The following SYNPR variants were observed in gnomAD, a reference collection of about 807,000 sequenced individuals.
SYNPR encodes the protein synaptoporin.
A neutral mutation model predicts 32.9 loss-of-function variants in SYNPR; 23 were observed. The ratio of observed to expected loss-of-function variants is 0.70; its 90% confidence interval spans 0.50 to 0.99. The LOEUF (loss-of-function observed/expected upper bound fraction) is 0.99. SYNPR is among the 50% of genes least tolerant of loss of function. The probability of loss-of-function intolerance (pLI) is 0.00; values close to 1 mark genes in which losing one functional copy is unlikely to be tolerated. For missense variants in SYNPR, 318 were observed against 349.3 expected (o/e 0.91, Z 0.71); for synonymous variants, 146 against 135.9 (o/e 1.07, Z -0.52).
the SYNPR span, among the ~76,000 whole-genome samples, chr3:63,211,651 G>T: frequency 1.3e-5 from 2 of 151,944 alleles, no homozygotes; most frequent in Non-Finnish European, 2.9e-5. Flanking sequence ...GCTTCCCAGG[G>T]TCTGTAATGA....
chr3:63,352,676 C>A (rs1408696127), intron 2 of SYNPR, among the ~76,000 whole-genome samples: 5 of 152,104 alleles, frequency 3.3e-5, no homozygotes, highest in Non-Finnish European at 7.4e-5. Context: ...TAAATAAATA[C>A]CCGAGACTGG....
intron 1 of SYNPR, among the ~76,000 whole-genome samples, chr3:63,251,536 G>C (rs1040376062): frequency 6.6e-6 from 1 of 152,158 alleles, no homozygotes; most frequent in Non-Finnish European, 1.5e-5. Context: ...TGAAAGAATA[G>C]AGTAGGAAGA....
At chr3:63,595,747 A>ATATATATATATAATTT (rs1699932125) in intron 4 of SYNPR, among the ~76,000 whole-genome samples, 1 of 47,394 alleles carries the variant, frequency 2.1e-5, no homozygotes, top group Non-Finnish European at 3.2e-5. Context: ...ATATATATAT[A>ATATATATATATAATTT]TATATATATA....
At chr3:63,351,577 A>C (rs143993501) in intron 2 of SYNPR, 2 of 152,340 alleles carry the variant, frequency 1.3e-5, no homozygotes, top group African/African-American at 4.8e-5. Flanking sequence ...GTGGGTGATA[A>C]CACTGAGGAA....
chr3:63,284,553 G>A (rs1575585961), intron 2 of SYNPR, among the ~76,000 whole-genome samples: 1 of 152,146 alleles, frequency 6.6e-6, no homozygotes, highest in Non-Finnish European at 1.5e-5. Flanking sequence ...AACCAAGGCG[G>A]CCAGTGAATC....
intron 3 of SYNPR, among the ~76,000 whole-genome samples, chr3:63,489,894 T>C (rs11130928): frequency 0.18 from 26,642 of 152,054 alleles, 2,425 homozygotes; most frequent in African/African-American, 0.21. Context: ...GCATGGCCTT[T>C]AGAGAGAAAA....
At chr3:63,567,679 A>C (rs1287250242) in intron 4 of SYNPR, among the ~76,000 whole-genome samples, 3 of 152,218 alleles carry the variant, frequency 2.0e-5, no homozygotes, top group African/African-American at 7.2e-5. Context: ...GATCCTAATC[A>C]AAGTTACAGA....
chr3:63,494,125 C>A (rs1701310676), intron 3 of SYNPR, among the ~76,000 whole-genome samples: 1 of 150,976 alleles, frequency 6.6e-6, no homozygotes, highest in African/African-American at 2.4e-5. Flanking sequence ...CCATAAAAAA[C>A]AAATGGATGT....
intron 2 of SYNPR, among the ~76,000 whole-genome samples, chr3:63,382,730 T>C (rs1317301738): frequency 6.6e-6 from 1 of 152,220 alleles, no homozygotes; most frequent in East Asian, 1.9e-4. Context: ...GTGTTTTATA[T>C]ATAATTTCTA....
intron 2 of SYNPR, among the ~76,000 whole-genome samples, chr3:63,301,047 T>A (rs781518697): frequency 1.3e-5 from 2 of 152,152 alleles, no homozygotes; most frequent in Non-Finnish European, 2.9e-5. Flanking sequence ...AAAAGAGAAC[T>A]GGATTTGAAA....
chr3:63,279,416 T>C (rs1575584273), intron 2 of SYNPR, among the ~76,000 whole-genome samples: 2 of 152,306 alleles, frequency 1.3e-5, no homozygotes, highest in East Asian at 3.9e-4. Flanking sequence ...GCCATGGCTT[T>C]CTTCAGCGAC....
At chr3:63,414,388 C>T (rs1430740595) in intron 2 of SYNPR, among the ~76,000 whole-genome samples, 1 of 152,104 alleles carries the variant, frequency 6.6e-6, no homozygotes, top group Non-Finnish European at 1.5e-5. Flanking sequence ...GTCACTTCAG[C>T]CTTGGTTCCA....
chr3:63,508,739 AC>A (rs1265301099), intron 3 of SYNPR, among the ~76,000 whole-genome samples: 3 of 152,224 alleles, frequency 2.0e-5, no homozygotes, highest in Middle Eastern at 3.4e-3. Context: ...TCCAACCTGA[AC>A]CACTAATCAA....
In SYNPR at chr3:63,616,231, G is replaced by A. The variant is rs1022562806; in HGVS notation, c.*750G>A. ...TTAGTAAACATTTAGTGCTACATAT[G>A]ATAACTGCCCAATATTTATTCTATT... On this transcript the variant is annotated 3_prime_UTR_variant, in exon 6 of 6. Coordinates refer to ENST00000478300, the MANE Select transcript of SYNPR (RefSeq NM_001130003.2). 2.0e-5 allele frequency: 3 copies of A among 152,162 alleles called. No individual in the cohort carries two copies. The highest frequency in any genetic ancestry group is 4.4e-5 in the Non-Finnish European group (3 of 68,026). The allele number at this position is 152,162 out of a possible 1,614,324, so 9.4% of individuals were successfully genotyped here. A position where few individuals can be genotyped will look rare whatever the true frequency, so the allele number is the denominator to read the frequency against.
At chr3:63,242,875 C>A (rs796375113) in intron 1 of SYNPR, among the ~76,000 whole-genome samples, 1 of 151,716 alleles carries the variant, frequency 6.6e-6, no homozygotes, top group Non-Finnish European at 1.5e-5. Flanking sequence ...ATGAATAGTA[C>A]AGGTTTGAAA....
At chr3:63,324,773 A>C (rs1396553832) in intron 2 of SYNPR, among the ~76,000 whole-genome samples, 2 of 152,080 alleles carry the variant, frequency 1.3e-5, no homozygotes, top group African/African-American at 4.8e-5. Context: ...TTTAGTATGG[A>C]GAGGACCTGG....
chr3:63,538,678 C>T (rs1308702917), intron 3 of SYNPR, among the ~76,000 whole-genome samples: 1 of 151,926 alleles, frequency 6.6e-6, no homozygotes, highest in Non-Finnish European at 1.5e-5. Context: ...GAGAAGGCTT[C>T]CTCCACGTGG....
chr3:63,299,170 G>A (rs1297832968), intron 2 of SYNPR, among the ~76,000 whole-genome samples: 3 of 152,106 alleles, frequency 2.0e-5, no homozygotes, highest in East Asian at 3.9e-4. Flanking sequence ...GAAAAGAAAG[G>A]ATATATTGGA....
At position 63,612,805 on chromosome 3, in the gene SYNPR, A is replaced by T. The variant is rs1032423197; in HGVS notation, c.601-2419A>T. 1.5e-4 allele frequency among the ~76,000 whole-genome samples: 23 copies of T among 152,296 alleles called. 1 individual carries two copies. The highest frequency in any genetic ancestry group is 5.3e-4 in the African/African-American group (22 of 41,572). On this transcript the variant is annotated intron_variant, in intron 5 of 5. Coordinates refer to ENST00000478300, the MANE Select transcript of SYNPR (RefSeq NM_001130003.2). ...AGGGAAAAGAGAAAGATCAATAGAT[A>T]GGAAATAGCTAAAATTACATCCCTG...
Sources: allele counts gnomAD v4.1 joint callset (sites outside exome capture counted in the v4.1 genomes callset), GRCh38; gene constraint gnomAD v4.1.1; transcripts MANE v1.5; gene names NCBI Gene and HGNC (gene_info 2026-07-23, HGNC 2026-07-21).